DPYD: variants seen among roughly 807,000 people sequenced by gnomAD.
The protein encoded by DPYD is dihydropyrimidine dehydrogenase.
DPYD carries 109 observed loss-of-function variants against 116.2 expected under a neutral mutation model. The ratio of observed to expected loss-of-function variants is 0.94; its 90% CI spans 0.80 to 1.10. The LOEUF is 1.10. Among genes scored for constraint, DPYD ranks in the 50% least tolerant of loss-of-function variants. DPYD has a pLI of 0.00. For missense variants in DPYD, 1,302 were observed against 1,254.5 expected, an observed-to-expected ratio of 1.04 and a Z score of -0.57; for synonymous variants, 440 against 432.0, an observed-to-expected ratio of 1.02 and a Z score of -0.23.
chr1:97,539,825 G>A (rs1297663911), intron 12 of DPYD, among the ~76,000 whole-genome samples: 1 of 152,084 alleles, frequency 6.6e-6, no homozygotes. Context: ...AATTTAGTTT[G>A]TGTTCTATCT....
In DPYD at chr1:97,588,266, A is replaced by AT. The variant is rs1359798008; in HGVS notation, c.1128+4951dup. Among the ~76,000 whole-genome samples the AT allele has an allele frequency of 6.6e-5, 10 of 152,358 alleles. No homozygotes were observed. The East Asian group carries it at 1.9e-3, about 29-fold the overall frequency. Reference sequence around the variant, plus strand: ...GTACCAGGGGTAGCATGCAGGCCCCATAAAAATGCAGCAGAATTAAAGATC... The same window carrying AT: ...GTACCAGGGGTAGCATGCAGGCCCCATTAAAAATGCAGCAGAATTAAAGATC... On this transcript the variant is annotated intron_variant, in intron 10 of 22. Coordinates refer to ENST00000370192, the MANE Select transcript of DPYD (RefSeq NM_000110.4).
intron 20 of DPYD, among the ~76,000 whole-genome samples, chr1:97,112,669 C>T (rs918789967): frequency 1.2e-4 from 18 of 152,172 alleles, no homozygotes; most frequent in African/African-American, 3.6e-4. Flanking sequence ...CCTGCTTTCC[C>T]GTGATTTCCA....
At chr1:97,158,978 G>T (rs1655689225) in intron 20 of DPYD, among the ~76,000 whole-genome samples, 1 of 152,096 alleles carries the variant, frequency 6.6e-6, no homozygotes, top group Non-Finnish European at 1.5e-5. Flanking sequence ...ACTCTTAGGT[G>T]TGGAGAGTCC....
chr1:97,111,371 T>G (rs1439618852), intron 20 of DPYD, among the ~76,000 whole-genome samples: 1 of 152,062 alleles, frequency 6.6e-6, no homozygotes, highest in Non-Finnish European at 1.5e-5. Flanking sequence ...CCTGCCCACC[T>G]CTTCAATATA....
intron 2 of DPYD, among the ~76,000 whole-genome samples, chr1:97,839,445 C>T (rs185845249): frequency 6.6e-6 from 1 of 152,068 alleles, no homozygotes; most frequent in East Asian, 1.9e-4. Context: ...TGTGTGTGTA[C>T]TTCTTGTTTC....
intron 20 of DPYD, among the ~76,000 whole-genome samples, chr1:97,110,319 T>C (rs1178995058): frequency 6.6e-6 from 1 of 152,076 alleles, no homozygotes; most frequent in South Asian, 2.1e-4. Flanking sequence ...TTTAGTGCAA[T>C]AGAATTAAAC....
chr1:97,916,836 C>T (rs1674240019), intron 1 of DPYD, among the ~76,000 whole-genome samples: 1 of 152,052 alleles, frequency 6.6e-6, no homozygotes, highest in Non-Finnish European at 1.5e-5. Context: ...ACTGAGACCC[C>T]CATCTCTATT....
intron 16 of DPYD, among the ~76,000 whole-genome samples, chr1:97,325,189 G>A (rs773165427): frequency 2.0e-5 from 3 of 151,900 alleles, no homozygotes; most frequent in African/African-American, 4.8e-5. Context: ...AAAACTTTGC[G>A]CTTTTTTTCA....
intron 19 of DPYD, among the ~76,000 whole-genome samples, chr1:97,211,739 A>G (rs770268654): frequency 5.3e-5 from 8 of 152,154 alleles, no homozygotes; most frequent in Non-Finnish European, 8.8e-5. Context: ...AAATATAGAA[A>G]TGCTTCCTAC....
At chr1:97,349,429 T>C (rs947807287) in intron 16 of DPYD, among the ~76,000 whole-genome samples, 1 of 152,032 alleles carries the variant, frequency 6.6e-6, no homozygotes, top group Non-Finnish European at 1.5e-5. Flanking sequence ...ATGTGCCATG[T>C]TGGTGTGCTG....
At chr1:97,257,628 T>A (rs1026755537) in intron 18 of DPYD, among the ~76,000 whole-genome samples, 1 of 151,822 alleles carries the variant, frequency 6.6e-6, no homozygotes, top group Admixed American at 6.6e-5. Context: ...TTTTTCAATT[T>A]AAAAAAAGTT....
At chr1:97,208,105 T>C (rs1213111349) in intron 19 of DPYD, among the ~76,000 whole-genome samples, 2 of 152,120 alleles carry the variant, frequency 1.3e-5, no homozygotes, top group African/African-American at 2.4e-5. Flanking sequence ...TAATAGATTA[T>C]TCTGAATTTT....
chr1:97,624,125 T>C (rs1656789768), intron 8 of DPYD, among the ~76,000 whole-genome samples: 1 of 151,940 alleles, frequency 6.6e-6, no homozygotes, highest in South Asian at 2.1e-4. Context: ...AATAGAGAAA[T>C]GGGATTTGAT....
intron 20 of DPYD, among the ~76,000 whole-genome samples, chr1:97,116,905 TC>T (rs1248265118): frequency 6.6e-6 from 1 of 150,742 alleles, no homozygotes; most frequent in African/African-American, 2.4e-5. Flanking sequence ...TTCTAGCACT[TC>T]GGGAGGCCGA....
intron 12 of DPYD, among the ~76,000 whole-genome samples, chr1:97,530,900 C>T (rs918208540): frequency 2.0e-5 from 3 of 152,048 alleles, no homozygotes; most frequent in African/African-American, 7.2e-5. Flanking sequence ...ACCTGTTGGC[C>T]ATTTGTATGG....
Position 97,364,263 on chromosome 1 carries a change from C to T in DPYD, c.2058+9298G>A, listed in dbSNP as rs549327934. Reference sequence around the variant, plus strand: ...TCCATTCACTTAATAGAAGGTTAGACATTTTACAAATAAGAGAAGAAAGCT... The same window carrying T: ...TCCATTCACTTAATAGAAGGTTAGATATTTTACAAATAAGAGAAGAAAGCT... On this transcript the variant is annotated intron_variant, in intron 16 of 22. Coordinates refer to ENST00000370192, the MANE Select transcript of DPYD (RefSeq NM_000110.4). 9.9e-5 allele frequency among the ~76,000 whole-genome samples: 15 copies of T among 152,250 alleles called. No individual in the cohort carries two copies. In the South Asian group the frequency reaches 2.7e-3, roughly 27 times the overall value.
chr1:97,773,712 G>A (rs529862880), intron 3 of DPYD, among the ~76,000 whole-genome samples: 5 of 152,298 alleles, frequency 3.3e-5, no homozygotes, highest in Admixed American at 3.3e-4. Flanking sequence ...ATGGAATTTG[G>A]CTGAGGGTGG....
At chr1:97,618,977 G>A (rs1188101571) in intron 8 of DPYD, among the ~76,000 whole-genome samples, 1 of 152,056 alleles carries the variant, frequency 6.6e-6, no homozygotes, top group African/African-American at 2.4e-5. Context: ...AAGTAATCTT[G>A]GTGAAGATGT....
intron 18 of DPYD, among the ~76,000 whole-genome samples, chr1:97,288,830 T>A (rs1665921373): frequency 6.6e-6 from 1 of 151,500 alleles, no homozygotes; most frequent in Non-Finnish European, 1.5e-5. Context: ...AAGAAATAAC[T>A]AAAATCAGAG....
Sources: gnomAD v4.1 joint callset for allele counts (sites outside exome capture counted in the v4.1 genomes callset) on GRCh38, gnomAD v4.1.1 for gene constraint, MANE v1.5 for transcripts, NCBI Gene and HGNC (gene_info 2026-07-23, HGNC 2026-07-21) for gene names.